TENM2: variants seen among roughly 807,000 people sequenced by gnomAD.
The protein encoded by TENM2 is teneurin-2.
Under a neutral mutation model 245.2 loss-of-function variants are expected in TENM2, and 52 were observed. The observed-to-expected ratio is 0.21, with a 90% CI of 0.17 to 0.27. TENM2 has a LOEUF of 0.27. Among genes scored for constraint, TENM2 ranks in the 10% least tolerant of loss-of-function variants. TENM2 has a pLI of 1.00. For synonymous variants in TENM2, 1,363 were observed against 1,438.9 expected, an observed-to-expected ratio of 0.95 and a Z score of 1.19; for missense variants, 3,046 against 3,666.8, an observed-to-expected ratio of 0.83 and a Z score of 4.37.
At chr5:167,614,858 T>C (rs928445487) in intron 2 of TENM2, among the ~76,000 whole-genome samples, 2 of 152,110 alleles carry the variant, frequency 1.3e-5, no homozygotes, top group African/African-American at 4.8e-5. Context: ...CATCCCCTTT[T>C]CCTCCCATTC....
At chr5:167,768,136 A>C (rs150793835) in intron 2 of TENM2, among the ~76,000 whole-genome samples, 1 of 152,188 alleles carries the variant, frequency 6.6e-6, no homozygotes, top group Non-Finnish European at 1.5e-5. Context: ...CTGTGTTGAC[A>C]TTCATTGTAA....
At chr5:167,234,260 G>A in the TENM2 span, among the ~76,000 whole-genome samples, 2 of 152,206 alleles carry the variant, frequency 1.3e-5, no homozygotes, top group South Asian at 2.1e-4. Context: ...TTTTTCTAAC[G>A]GAAGTCCTTT....
At chr5:167,657,398 G>A (rs752006504) in intron 2 of TENM2, among the ~76,000 whole-genome samples, 12 of 152,202 alleles carry the variant, frequency 7.9e-5, no homozygotes, top group Non-Finnish European at 1.3e-4. Flanking sequence ...GGACACCTAT[G>A]TTGATTCCCT....
chr5:167,979,265 G>T (rs1388275838), intron 4 of TENM2, among the ~76,000 whole-genome samples: 1 of 152,090 alleles, frequency 6.6e-6, no homozygotes, highest in African/African-American at 2.4e-5. Flanking sequence ...GATCAACATA[G>T]GATTTTTCCA....
chr5:167,252,241 A>G, the TENM2 span, among the ~76,000 whole-genome samples: 3 of 152,214 alleles, frequency 2.0e-5, no homozygotes, highest in Admixed American at 6.5e-5. Context: ...GCCAAAGGTG[A>G]TAAGGAAAGA....
chr5:168,160,235 G>A (rs1408595747), intron 12 of TENM2, among the ~76,000 whole-genome samples: 1 of 152,178 alleles, frequency 6.6e-6, no homozygotes, highest in African/African-American at 2.4e-5. Context: ...TTTTCCTACT[G>A]AGCTCATTTT....
At chr5:167,743,289 C>T (rs1429137459) in intron 2 of TENM2, among the ~76,000 whole-genome samples, 1 of 152,054 alleles carries the variant, frequency 6.6e-6, no homozygotes, top group Non-Finnish European at 1.5e-5. Flanking sequence ...AGCTGCTTGG[C>T]CCCTACTGTT....
intron 2 of TENM2, among the ~76,000 whole-genome samples, chr5:167,846,418 C>T (rs529553588): frequency 1.4e-4 from 21 of 152,188 alleles, no homozygotes; most frequent in Non-Finnish European, 2.4e-4. Context: ...CATTTCATTT[C>T]GGAATTATCC....
At chr5:167,847,448 C>T (rs1770153013) in intron 2 of TENM2, among the ~76,000 whole-genome samples, 1 of 152,182 alleles carries the variant, frequency 6.6e-6, no homozygotes, top group Non-Finnish European at 1.5e-5. Flanking sequence ...ACTTCTATTC[C>T]TTGGTCTCTG....
chr5:167,000,691 T>G, the TENM2 span, among the ~76,000 whole-genome samples: 1 of 152,220 alleles, frequency 6.6e-6, no homozygotes, highest in Non-Finnish European at 1.5e-5. Flanking sequence ...ACCATGTTTT[T>G]ACACATAGCG....
intron 13 of TENM2, among the ~76,000 whole-genome samples, chr5:168,177,639 C>T (rs906588881): frequency 6.6e-6 from 1 of 152,252 alleles, no homozygotes; most frequent in Non-Finnish European, 1.5e-5. Context: ...GAACTTGAGA[C>T]CAGTCTGGTC....
At chr5:168,069,187 A>C (rs1187597724) in intron 7 of TENM2, among the ~76,000 whole-genome samples, 1 of 152,196 alleles carries the variant, frequency 6.6e-6, no homozygotes, top group Non-Finnish European at 1.5e-5. Flanking sequence ...AACAGTATCC[A>C]TCAGTGCAAT....
chr5:167,470,809 C>T (rs1267960041), intron 2 of TENM2, among the ~76,000 whole-genome samples: 2 of 151,980 alleles, frequency 1.3e-5, no homozygotes, highest in African/African-American at 4.8e-5. Flanking sequence ...GAAAAGGATC[C>T]TGCAATAGCA....
At chr5:167,346,164 A>G (rs749727147) in intron 1 of TENM2, among the ~76,000 whole-genome samples, 2 of 152,232 alleles carry the variant, frequency 1.3e-5, no homozygotes, top group Admixed American at 6.5e-5. Flanking sequence ...ATATTGGACT[A>G]CAGGAAAGGA....
chr5:167,351,069 A>T (rs1758872059), intron 1 of TENM2, among the ~76,000 whole-genome samples: 1 of 139,066 alleles, frequency 7.2e-6, no homozygotes, highest in Admixed American at 7.7e-5. Context: ...ATACATATGG[A>T]TATATATATG....
chr5:167,016,146 C>T, the TENM2 span, among the ~76,000 whole-genome samples: 284 of 151,670 alleles, frequency 1.9e-3, no homozygotes, highest in African/African-American at 6.5e-3. Context: ...CCCAGCTGTT[C>T]GGGAGGCTGA....
At chr5:167,695,795 G>C (rs748068835) in intron 2 of TENM2, among the ~76,000 whole-genome samples, 19 of 151,606 alleles carry the variant, frequency 1.3e-4, no homozygotes, top group Non-Finnish European at 2.5e-4. Flanking sequence ...AGCACTTTGG[G>C]AGGCCGAGGT....
chr5:167,744,125 T>C (rs948599940), intron 2 of TENM2, among the ~76,000 whole-genome samples: 3 of 152,180 alleles, frequency 2.0e-5, no homozygotes, highest in African/African-American at 7.2e-5. Flanking sequence ...TATTACAAAA[T>C]CATCATGCTA....
chr5:167,265,407 G>A, the TENM2 span, among the ~76,000 whole-genome samples: 4 of 151,032 alleles, frequency 2.6e-5, no homozygotes, highest in South Asian at 4.2e-4. Context: ...ATGAATGCTA[G>A]AATATTGGGG....
Sources: allele counts gnomAD v4.1 joint callset (sites outside exome capture counted in the v4.1 genomes callset), GRCh38; gene constraint gnomAD v4.1.1; transcripts MANE v1.5; gene names NCBI Gene and HGNC (gene_info 2026-07-23, HGNC 2026-07-21).